Variants in BEND7 observed in about 807,000 individuals in gnomAD.
BEND7 encodes the protein BEN domain containing 7.
In BEND7, 28 loss-of-function variants were observed where a neutral mutation model predicts 50.9. The observed-to-expected ratio is 0.55, with a 90% CI of 0.41 to 0.75. The LOEUF is 0.75. Among genes scored for constraint, BEND7 ranks in the 30% least tolerant of loss-of-function variants. The probability of loss-of-function intolerance (pLI) is 0.00; values close to 1 mark genes in which losing one functional copy is unlikely to be tolerated. For synonymous variants in BEND7, 170 were observed against 183.9 expected (o/e 0.92, Z 0.61); for missense variants, 477 against 491.3 (o/e 0.97, Z 0.28).
At chr10:13,505,910 A>T (rs1017664001) in intron 2 of BEND7, among the ~76,000 whole-genome samples, 1 of 152,200 alleles carries the variant, frequency 6.6e-6, no homozygotes, top group African/African-American at 2.4e-5. Context: ...CTTATCAAAA[A>T]CAGAATGAAG....
Position 13,499,760 on chromosome 10 carries a change from GT to G in BEND7, c.448+17del. 2 of 1,580,112 alleles carry G rather than the reference GT, an allele frequency of 1.3e-6. No individual in the cohort carries two copies. Among genetic ancestry groups the G allele is most frequent in the Non-Finnish European group, 1.7e-6 (2 of 1,159,052 alleles). On this transcript the variant is annotated intron_variant, in intron 3 of 8. Transcript: ENST00000466271. ...AAACCCCCATGAGAGCCTTCTGAAT[GT>G]TTGTTGACAACCATACCATTGGAGC...
At chr10:13,491,035 CTCAGTTGA>C (rs1213998851) in intron 5 of BEND7, among the ~76,000 whole-genome samples, 3 of 152,136 alleles carry the variant, frequency 2.0e-5, no homozygotes, top group Non-Finnish European at 4.4e-5. Flanking sequence ...AACTCTTGAC[CTCAGTTGA>C]TCTGCCCACC....
chr10:13,497,377 A>G (rs2077097786), intron 3 of BEND7, among the ~76,000 whole-genome samples: 1 of 152,244 alleles, frequency 6.6e-6, no homozygotes, highest in African/African-American at 2.4e-5. Flanking sequence ...TTCAAAAACA[A>G]AGAACTGTGC....
chr10:13,454,244 C>A (rs4750360), intron 6 of BEND7, among the ~76,000 whole-genome samples: 47,358 of 152,062 alleles, frequency 0.31, 8,654 homozygotes, highest in East Asian at 0.68. Flanking sequence ...GGAGCACCCA[C>A]ATGGAGATAG....
chr10:13,481,778 C>T (rs1179586897), intron 5 of BEND7, among the ~76,000 whole-genome samples: 1 of 152,214 alleles, frequency 6.6e-6, no homozygotes, highest in Non-Finnish European at 1.5e-5. Context: ...AAATGTGAAA[C>T]TATGTCCCAG....
At chr10:13,479,006 CTTTT>C (rs34144594) in intron 6 of BEND7, among the ~76,000 whole-genome samples, 18 of 127,732 alleles carry the variant, frequency 1.4e-4, no homozygotes, top group Admixed American at 6.5e-4. Context: ...TTGTAATATA[CTTTT>C]TTTTTTTTTT....
chr10:13,479,513 A>G (rs552413574), intron 6 of BEND7, among the ~76,000 whole-genome samples: 2 of 152,326 alleles, frequency 1.3e-5, no homozygotes, highest in East Asian at 1.9e-4. Flanking sequence ...CCCTGGGGAA[A>G]AAAAAAGAAA....
At position 13,492,708 on chromosome 10, in the gene BEND7, G is replaced by A. The variant is rs1018268757; in HGVS notation, c.740C>T (p.Ala247Val). 1 of 1,614,212 alleles carries A rather than the reference G, an allele frequency of 6.2e-7. No homozygotes were observed. The highest frequency in any genetic ancestry group is 8.5e-7 in the Non-Finnish European group (1 of 1,180,038). The change falls in exon 5 of 9, where the codon GCC becomes GTC. Residue 247 changes from alanine to valine, a missense_variant. Ala to Val is a moderately conservative substitution (Grantham distance 64). Around this residue, in one of 3 missense-constraint regions of BEND7, gnomAD observed 396 missense variants for 384.2 expected, o/e 1.03. Transcript: ENST00000466271. ...TGCCTGGAGAGCAGATAGCTCAGAG[G>A]CCACCACCGACTTTTTCTCCATCTC... ...GSEMEKKSVV[A>V]SELSALQAAE...
Position 13,447,304 on chromosome 10 carries a change from C to T in BEND7, c.1196G>A (p.Ser399Asn). The change falls in exon 8 of 9, where the codon AGT becomes AAT. Residue 399 changes from serine (S) to asparagine (N), a missense_variant. Coordinates refer to ENST00000466271, the MANE Select transcript of BEND7 (RefSeq NM_001369863.1). The part of the protein sequence containing the change: ...RLKRGSEIAD[S>N]DERLDGIALP... ...AGCAATGCCGTCCAGTCTTTCATCA[C>T]TGTCCGCGATCTCTGCTGGTTACAA... The T allele has an allele frequency of 6.2e-7, 1 of 1,614,174 alleles. No homozygotes were observed. Among genetic ancestry groups the T allele is most frequent in the South Asian group, 1.1e-5 (1 of 91,086 alleles).
At position 13,452,604 on chromosome 10, in the gene BEND7, C is replaced by T. The variant is rs771136560; in HGVS notation, c.1118G>A (p.Arg373Lys). 5.6e-6 allele frequency: 9 copies of T among 1,613,220 alleles called. No individual in the cohort carries two copies. In the Admixed American group the frequency reaches 1.5e-4, roughly 27 times the overall value. ...ATCCTGTAGAATCTGTACCCAATCTCTTGGGCCAGGAAGCTTATCCACATG... is the reference window on the plus strand; with the variant it reads ...ATCCTGTAGAATCTGTACCCAATCTTTTGGGCCAGGAAGCTTATCCACATG... The part of the protein sequence containing the change: ...ANHVDKLPGP[R>K]DWVQILQDQI... Residue 373 changes from arginine to lysine, a missense_variant, in exon 7 of 9, where the codon AGA becomes AAA. This residue lies in a region of BEND7 where 64 missense variants were observed against 68.5 expected (regional missense o/e 0.93). Coordinates refer to ENST00000466271, the MANE Select transcript of BEND7 (RefSeq NM_001369863.1).
At chr10:13,493,247 G>A (rs2076796035) in intron 4 of BEND7, among the ~76,000 whole-genome samples, 1 of 152,164 alleles carries the variant, frequency 6.6e-6, no homozygotes, top group Non-Finnish European at 1.5e-5. Context: ...GATAGAGACG[G>A]CTGTGCTTCC....
At chr10:13,484,027 C>T (rs750481386) in intron 5 of BEND7, among the ~76,000 whole-genome samples, 2 of 152,236 alleles carry the variant, frequency 1.3e-5, no homozygotes, top group Non-Finnish European at 2.9e-5. Flanking sequence ...ATTCCACTTT[C>T]TACTGCCAAA....
rs1035128547 is a variant in BEND7, at chr10:13,446,936, C to T, written c.1234+330G>A. 47 of 326,656 alleles carry T rather than the reference C, an allele frequency of 1.4e-4. 1 individual carries two copies. Among genetic ancestry groups the T allele is most frequent in the African/African-American group, 9.0e-4 (41 of 45,346 alleles). 20.2% of individuals were successfully genotyped at this position (326,656 alleles called of 1,614,324 possible). On this transcript the variant is annotated intron_variant, in intron 8 of 8. Transcript: ENST00000466271. The stretch of plus-strand genomic sequence containing the variant: ...TTGATCACACAAAATTAGTGGTCCC[C>T]GTTTTAAGGTGAAATCTCATTTCAC...
chr10:13,510,396 T>C (rs2078194424), intron 2 of BEND7, among the ~76,000 whole-genome samples: 1 of 152,196 alleles, frequency 6.6e-6, no homozygotes, highest in Non-Finnish European at 1.5e-5. Context: ...GGGCAGAATA[T>C]GGGAATTCCA....
chr10:13,485,945 G>A (rs558209130), intron 5 of BEND7, among the ~76,000 whole-genome samples: 1 of 152,218 alleles, frequency 6.6e-6, no homozygotes, highest in East Asian at 1.9e-4. Context: ...ACAGTGGTGG[G>A]ATCACAGCTC....
At chr10:13,476,692 C>T (rs1395309360) in intron 6 of BEND7, among the ~76,000 whole-genome samples, 2 of 152,160 alleles carry the variant, frequency 1.3e-5, no homozygotes, top group Non-Finnish European at 2.9e-5. Context: ...TAGATGTGGA[C>T]CAATTCTAGC....
At chr10:13,480,570 G>A (rs1394110415) in intron 6 of BEND7, 2 of 882,402 alleles carry the variant, frequency 2.3e-6, no homozygotes, top group Non-Finnish European at 2.7e-6. Context: ...CAAACTTTAA[G>A]TTGAAGTCAT....
At chr10:13,496,928 C>CAAAAAAAAAAAAAAAAAAAACAAAA in intron 3 of BEND7, 40 bp from the exon 4 acceptor site, 1 of 1,132,122 alleles carries the variant, frequency 8.8e-7, no homozygotes, top group South Asian at 2.8e-5. Flanking sequence ...CCAAACAAAC[C>CAAAAAAAAAAAAAAAAAAAACAAAA]AAAAAAAAAA....
At position 13,441,698 on chromosome 10, in the gene BEND7, AC is replaced by A; in HGVS notation, c.*44del. The A allele has an allele frequency of 6.2e-7, 1 of 1,612,474 alleles. No individual in the cohort carries two copies. The highest frequency in any genetic ancestry group is 8.5e-7 in the Non-Finnish European group (1 of 1,179,586). On this transcript the variant is annotated 3_prime_UTR_variant, in exon 9 of 9. Transcript: ENST00000466271. ...TGGGAGGCAGAGGACGGATTTTAAA[AC>A]CCATGGTGCAAAAAACACAAGAGCT...
Sources: gnomAD v4.1 joint callset for allele counts (sites outside exome capture counted in the v4.1 genomes callset) on GRCh38, gnomAD v4.1.1 for gene constraint, gnomAD v4.1.1 regional missense constraint, MANE v1.5 for transcripts, NCBI Gene and HGNC (gene_info 2026-07-23, HGNC 2026-07-21) for gene names.